CMKLR1: variants seen among roughly 807,000 people sequenced by gnomAD.
The protein encoded by CMKLR1 is chemerin chemokine-like receptor 1, also known as chemerin-like receptor 1.
A neutral mutation model predicts 8.2 loss-of-function variants in CMKLR1; 6 were observed. The observed-to-expected ratio is 0.73, with a 90% CI of 0.40 to 1.44. The LOEUF is 1.44. Among genes scored for constraint, CMKLR1 ranks in the 40% most tolerant of loss-of-function variants. The pLI, the probability that CMKLR1 is intolerant of heterozygous loss-of-function variation, is 0.02. For synonymous variants in CMKLR1, 178 were observed against 181.2 expected (o/e 0.98, Z 0.14); for missense variants, 429 against 478.0 (o/e 0.90, Z 0.96).
chr12:108,336,471 G>T lies in CMKLR1; in HGVS notation c.-287+2556C>A, dbSNP rs191832668. On this transcript the variant is annotated intron_variant, in intron 1 of 3. Coordinates refer to ENST00000550402, the MANE Select transcript of CMKLR1 (RefSeq NM_001142343.2). ...TGAGGCAGGAGAATGGCGTGAACCC[G>T]GGAGGCAGAGCTTGCAGTGAGCCAA... Among the ~76,000 whole-genome samples, 481 of 152,056 alleles carry T rather than the reference G, an allele frequency of 3.2e-3. 8 individuals are homozygous for T. The highest frequency in any genetic ancestry group is 0.011 in the African/African-American group (446 of 41,480).
At position 108,291,723 on chromosome 12, in the gene CMKLR1, A is replaced by G. The variant is rs774244126; in HGVS notation, c.*118T>C. ...CCCAGCATAAAACACTGTTCATCCC[A>G]TGCAAAATGCAGTGAAAATTGGTGG... On this transcript the variant is annotated 3_prime_UTR_variant, in exon 4 of 4. Transcript: ENST00000550402. The G allele has an allele frequency of 9.8e-7, 1 of 1,024,060 alleles. No individual in the cohort carries two copies. The highest frequency in any genetic ancestry group is 1.5e-6 in the Non-Finnish European group (1 of 686,398). The allele number at this position is 1,024,060 out of a possible 1,614,324, so 63.4% of individuals were successfully genotyped here.
chr12:108,288,810 C>G lies in CMKLR1; in HGVS notation c.*3031G>C, dbSNP rs1030568125. ...CTTTCTTCCTTGTCTTTTCCTTCTT[C>G]TTCTCCCCACCCTCTCCTTCCAAGG... is the stretch of plus-strand genomic sequence containing the variant. On this transcript the variant is annotated 3_prime_UTR_variant, in exon 4 of 4. Coordinates refer to ENST00000550402, the MANE Select transcript of CMKLR1 (RefSeq NM_001142343.2). 1.3e-5 allele frequency: 2 copies of G among 152,470 alleles called. No homozygotes were observed. Among genetic ancestry groups the G allele is most frequent in the Non-Finnish European group, 2.9e-5 (2 of 68,174 alleles). 9.4% of individuals were successfully genotyped at this position (152,470 alleles called of 1,614,324 possible).
At chr12:108,319,728 T>C (rs1891814851) in intron 2 of CMKLR1, among the ~76,000 whole-genome samples, 1 of 152,194 alleles carries the variant, frequency 6.6e-6, no homozygotes, top group Non-Finnish European at 1.5e-5. Context: ...TAATTATGAA[T>C]CTTACCATTA....
At chr12:108,329,662 C>T (rs555000269) in intron 2 of CMKLR1, among the ~76,000 whole-genome samples, 4 of 152,180 alleles carry the variant, frequency 2.6e-5, no homozygotes, top group African/African-American at 9.6e-5. Flanking sequence ...GCAAAATTTG[C>T]CCCAAGCAAC....
At chr12:108,324,088 C>T (rs891483456) in intron 2 of CMKLR1, among the ~76,000 whole-genome samples, 1 of 152,150 alleles carries the variant, frequency 6.6e-6, no homozygotes, top group East Asian at 1.9e-4. Context: ...CTGGGCAAAA[C>T]CAGGCATTTA....
intron 2 of CMKLR1, among the ~76,000 whole-genome samples, chr12:108,303,306 C>G (rs1264422911): frequency 2.2e-4 from 33 of 152,240 alleles, no homozygotes; most frequent in Non-Finnish European, 1.5e-5. Flanking sequence ...CCCACACCCC[C>G]GCTGCCGGAC....
chr12:108,290,182 G>A lies in CMKLR1; in HGVS notation c.*1659C>T, dbSNP rs1388614259. ...AAAGTTTCTTAAAGGCCATTAAGAT[G>A]TTCATCCTCATTTGCAGAAAAATCA... is the stretch of plus-strand genomic sequence containing the variant. On this transcript the variant is annotated 3_prime_UTR_variant, in exon 4 of 4. Coordinates refer to ENST00000550402, the MANE Select transcript of CMKLR1 (RefSeq NM_001142343.2). The A allele has an allele frequency of 8.5e-5, 13 of 152,334 alleles. No homozygotes were observed. The highest frequency in any genetic ancestry group is 3.1e-4 in the African/African-American group (13 of 41,576). 9.4% of individuals were successfully genotyped at this position (152,334 alleles called of 1,614,324 possible).
intron 2 of CMKLR1, chr12:108,317,791 T>A (rs1021521376): frequency 6.6e-6 from 1 of 152,212 alleles, no homozygotes; most frequent in African/African-American, 2.4e-5. Context: ...TCAAACCATC[T>A]AAAACTATAG....
intron 2 of CMKLR1, among the ~76,000 whole-genome samples, chr12:108,293,985 G>C (rs1385739810): frequency 6.6e-6 from 1 of 152,154 alleles, no homozygotes; most frequent in African/African-American, 2.4e-5. Flanking sequence ...GTACATGGAT[G>C]GCTCAATCCA....
intron 1 of CMKLR1, among the ~76,000 whole-genome samples, chr12:108,332,897 C>T (rs992781985): frequency 2.0e-5 from 3 of 152,046 alleles, no homozygotes; most frequent in African/African-American, 7.2e-5. Context: ...TTACTTAAGC[C>T]CCAGAGGTCG....
chr12:108,311,827 G>T (rs80257925), intron 2 of CMKLR1, among the ~76,000 whole-genome samples: 1 of 152,082 alleles, frequency 6.6e-6, no homozygotes, highest in Non-Finnish European at 1.5e-5. Flanking sequence ...GGAAGCCCCA[G>T]GCTGGGGGCA....
intron 2 of CMKLR1, among the ~76,000 whole-genome samples, chr12:108,295,540 G>A (rs1465497297): frequency 6.6e-6 from 1 of 152,234 alleles, no homozygotes; most frequent in African/African-American, 2.4e-5. Context: ...TGAGGCTGGG[G>A]CAAGACTAGA....
At chr12:108,303,269 G>C (rs961633978) in intron 2 of CMKLR1, among the ~76,000 whole-genome samples, 1 of 152,190 alleles carries the variant, frequency 6.6e-6, no homozygotes, top group Non-Finnish European at 1.5e-5. Flanking sequence ...GGGGTGGGAT[G>C]GTCACCAGGC....
At position 108,292,280 on chromosome 12, in the gene CMKLR1, C is replaced by G; in HGVS notation, c.683G>C (p.Gly228Ala). The G allele has an allele frequency of 6.2e-7, 1 of 1,614,110 alleles. No individual in the cohort carries two copies. Among genetic ancestry groups the G allele is most frequent in the East Asian group, 2.2e-5 (1 of 44,888 alleles). ...MVVTVTRFLCGFLVPVLIITA... is the reference protein window; with the variant it reads ...MVVTVTRFLCAFLVPVLIITA... ...GATGATGAGGACTGGGACCAGGAAG[C>G]CACAGAGGAAGCGGGTGACAGTCAC... The change falls in exon 4 of 4, where the codon GGC becomes GCC. Residue 228 changes from glycine (G) to alanine (A), a missense_variant. Physicochemically the swap from Gly to Ala is moderately conservative, Grantham distance 60. Transcript: ENST00000550402.
chr12:108,328,438 C>A (rs1004237441), intron 2 of CMKLR1, among the ~76,000 whole-genome samples: 2 of 152,188 alleles, frequency 1.3e-5, no homozygotes, highest in Non-Finnish European at 2.9e-5. Context: ...TGAGGAAAGC[C>A]CTTTTATGAT....
rs1212833115 is a variant in CMKLR1, at chr12:108,292,794, C to T, written c.169G>A (p.Gly57Ser). The change falls in exon 4 of 4, where the codon GGC becomes AGC. Residue 57 changes from glycine (G) to serine (S), a missense_variant. Coordinates refer to ENST00000550402, the MANE Select transcript of CMKLR1 (RefSeq NM_001142343.2). Reference sequence around the variant, plus strand: ...GCAATGATGATCACCAGACCATTGCCCAGAATCCCGAGGAAGCAGACGATG... The same window carrying T: ...GCAATGATGATCACCAGACCATTGCTCAGAATCCCGAGGAAGCAGACGATG... ...YSIVCFLGIL[G>S]NGLVIIIATF... The T allele has an allele frequency of 3.1e-6, 5 of 1,614,052 alleles. No individual in the cohort carries two copies. The highest frequency in any genetic ancestry group is 3.4e-6 in the Non-Finnish European group (4 of 1,180,010).
At chr12:108,337,561 G>A (rs189076776) in intron 1 of CMKLR1, among the ~76,000 whole-genome samples, 38 of 152,280 alleles carry the variant, frequency 2.5e-4, no homozygotes, top group Admixed American at 7.8e-4. Flanking sequence ...GGTAGGAGCC[G>A]TGATAAGGGA....
chr12:108,297,641 G>C (rs1342424743), intron 2 of CMKLR1, among the ~76,000 whole-genome samples: 1 of 152,196 alleles, frequency 6.6e-6, no homozygotes, highest in African/African-American at 2.4e-5. Context: ...GGATACACTT[G>C]CCTGAGGCCA....
At chr12:108,300,550 A>G (rs939037758) in intron 2 of CMKLR1, among the ~76,000 whole-genome samples, 4 of 152,206 alleles carry the variant, frequency 2.6e-5, no homozygotes, top group African/African-American at 9.6e-5. Flanking sequence ...AATAACAGTG[A>G]CATTGTTGAT....
Sources: gnomAD v4.1 joint callset for allele counts (sites outside exome capture counted in the v4.1 genomes callset) on GRCh38, gnomAD v4.1.1 for gene constraint, MANE v1.5 for transcripts, NCBI Gene and HGNC (gene_info 2026-07-23, HGNC 2026-07-21) for gene names.